ANKRD44: variants seen among roughly 807,000 people sequenced by gnomAD.
ANKRD44 encodes serine/threonine-protein phosphatase 6 regulatory ankyrin repeat subunit B.
ANKRD44 carries 35 observed loss-of-function variants against 116.0 expected under a neutral mutation model. That is an observed-to-expected ratio of 0.30 (90% CI 0.23 to 0.40). ANKRD44 has a LOEUF of 0.40. Among genes scored for constraint, ANKRD44 ranks in the 10% least tolerant of loss-of-function variants. The pLI, the probability that ANKRD44 is intolerant of heterozygous loss-of-function variation, is 1.00. For missense variants in ANKRD44, 1,014 were observed against 1,242.6 expected (o/e 0.82, Z 2.77); for synonymous variants, 435 against 461.8 (o/e 0.94, Z 0.74).
chr2:197,227,370 G>A (rs1426758562), intron 1 of ANKRD44, among the ~76,000 whole-genome samples: 1 of 152,240 alleles, frequency 6.6e-6, no homozygotes, highest in African/African-American at 2.4e-5. Flanking sequence ...CTGGAAGCAG[G>A]TGAGGCTCCT....
chr2:197,246,622 T>A (rs188252150), intron 1 of ANKRD44, among the ~76,000 whole-genome samples: 1 of 152,112 alleles, frequency 6.6e-6, no homozygotes, highest in African/African-American at 2.4e-5. Context: ...CTATGCAATC[T>A]TTTCCCATTG....
At chr2:197,300,209 T>C (rs1034956640) in intron 1 of ANKRD44, among the ~76,000 whole-genome samples, 3 of 152,228 alleles carry the variant, frequency 2.0e-5, no homozygotes, top group Non-Finnish European at 4.4e-5. Context: ...GAGAAAAATG[T>C]GTTAATATGC....
intron 16 of ANKRD44, among the ~76,000 whole-genome samples, chr2:197,026,690 T>C (rs1044847647): frequency 2.0e-5 from 3 of 152,154 alleles, no homozygotes; most frequent in African/African-American, 7.2e-5. Flanking sequence ...TGGAGTGTTT[T>C]GAGCAGAGGA....
rs1375046414 is a variant in ANKRD44, at chr2:197,246,563, C to T, written c.28-59457G>A. 4.0e-5 allele frequency among the ~76,000 whole-genome samples: 6 copies of T among 151,742 alleles called. No homozygotes were observed. The East Asian group carries it at 1.2e-3, about 29-fold the overall frequency. The stretch of plus-strand genomic sequence containing the variant: ...CAATGGGACCTTGAATTCCCAGGTC[C>T]CTGATGCTGCCAACCATCTCGCTTA... On this transcript the variant is annotated intron_variant, in intron 1 of 27. Transcript: ENST00000282272.
intron 17 of ANKRD44, chr2:197,015,206 G>A (rs2076368807): frequency 6.4e-6 from 2 of 311,136 alleles, no homozygotes; most frequent in Non-Finnish European, 1.2e-5. Flanking sequence ...AGAGGAACCA[G>A]AGAGCTGTTT....
intron 1 of ANKRD44, among the ~76,000 whole-genome samples, chr2:197,215,049 T>C (rs2081414792): frequency 6.6e-6 from 1 of 152,136 alleles, no homozygotes; most frequent in Admixed American, 6.5e-5. Flanking sequence ...CTAGTATTTG[T>C]ATTTTTAGTA....
chr2:197,204,418 A>G (rs1466683013), intron 1 of ANKRD44, among the ~76,000 whole-genome samples: 6 of 152,186 alleles, frequency 3.9e-5, no homozygotes, highest in South Asian at 2.1e-4. Context: ...TTCTTTAAAG[A>G]TGGGACCACT....
rs867880587 is a variant in ANKRD44, at chr2:197,172,783, T to C, written c.111+14240A>G. 1.4e-4 allele frequency among the ~76,000 whole-genome samples: 21 copies of C among 151,872 alleles called. 1 individual carries two copies. The highest frequency in any genetic ancestry group is 6.8e-3 in the Middle Eastern group (2 of 294). The stretch of plus-strand genomic sequence containing the variant: ...GTTTCACCATGTTGCTTAGGCTGGT[T>C]TCACACTCCTCAGCTCAAGTGATCC... On this transcript the variant is annotated intron_variant, in intron 2 of 27. Coordinates refer to ENST00000282272, the MANE Select transcript of ANKRD44 (RefSeq NM_001195144.2).
At chr2:197,222,399 T>C (rs143888127) in intron 1 of ANKRD44, among the ~76,000 whole-genome samples, 1 of 152,262 alleles carries the variant, frequency 6.6e-6, no homozygotes, top group Admixed American at 6.5e-5. Context: ...GATCAAAAAC[T>C]TCAAAGAAGA....
intron 1 of ANKRD44, among the ~76,000 whole-genome samples, chr2:197,214,487 A>G (rs1881404): frequency 0.4 from 61,445 of 152,090 alleles, 13,905 homozygotes; most frequent in African/African-American, 0.62. Context: ...TTAAGTAAAT[A>G]TGTACATACA....
intron 16 of ANKRD44, among the ~76,000 whole-genome samples, chr2:197,070,219 G>GTACACTT (rs895927927): frequency 2.6e-5 from 4 of 152,014 alleles, no homozygotes; most frequent in Non-Finnish European, 5.9e-5. Context: ...TTTCTGATCT[G>GTACACTT]TACACTTTTT....
intron 2 of ANKRD44, among the ~76,000 whole-genome samples, chr2:197,166,361 C>A (rs2080101259): frequency 6.6e-6 from 1 of 152,136 alleles, no homozygotes; most frequent in African/African-American, 2.4e-5. Context: ...CTGTTATGGG[C>A]AGCTTTTGAG....
chr2:197,053,297 T>A (rs1222044556), intron 16 of ANKRD44, among the ~76,000 whole-genome samples: 1 of 152,192 alleles, frequency 6.6e-6, no homozygotes, highest in Non-Finnish European at 1.5e-5. Flanking sequence ...AAACAGTAGT[T>A]ATGTCTGGAT....
At chr2:197,143,992 G>A (rs1240041781) in intron 3 of ANKRD44, among the ~76,000 whole-genome samples, 1 of 152,096 alleles carries the variant, frequency 6.6e-6, no homozygotes, top group Non-Finnish European at 1.5e-5. Flanking sequence ...CTCAACCCCA[G>A]TATCTTAACT....
intron 15 of ANKRD44, among the ~76,000 whole-genome samples, chr2:197,080,697 A>G (rs774164948): frequency 6.6e-6 from 1 of 152,180 alleles, no homozygotes; most frequent in African/African-American, 2.4e-5. Context: ...CACAACCTGC[A>G]TTGGAGCCAC....
Position 197,305,568 on chromosome 2 carries a change from G to C in ANKRD44, c.27+5010C>G, listed in dbSNP as rs544024734. On this transcript the variant is annotated intron_variant, in intron 1 of 27. Coordinates refer to ENST00000282272, the MANE Select transcript of ANKRD44 (RefSeq NM_001195144.2). Reference sequence around the variant, plus strand: ...CTTTTTGAGTTCGTATTTGCTCTCTGTTTACAGCAAAAGAGGAAGTAAAAA... The same window carrying C: ...CTTTTTGAGTTCGTATTTGCTCTCTCTTTACAGCAAAAGAGGAAGTAAAAA... Among the ~76,000 whole-genome samples, 12 of 152,050 alleles carry C rather than the reference G, an allele frequency of 7.9e-5. No individual in the cohort carries two copies. In the South Asian group the frequency reaches 2.3e-3, roughly 29 times the overall value.
chr2:197,143,739 C>A (rs576253874), intron 3 of ANKRD44, among the ~76,000 whole-genome samples: 4 of 152,112 alleles, frequency 2.6e-5, no homozygotes, highest in Non-Finnish European at 5.9e-5. Flanking sequence ...AAGTGATTCT[C>A]CTGCCTCAGC....
chr2:197,278,460 A>T (rs567539176), intron 1 of ANKRD44, among the ~76,000 whole-genome samples: 1 of 151,102 alleles, frequency 6.6e-6, no homozygotes, highest in African/African-American at 2.5e-5. Context: ...GGGTTCAAGC[A>T]ATTCTCCTGC....
Position 197,026,058 on chromosome 2 carries a change from A to AAAAAC in ANKRD44, c.1651-792_1651-791insGTTTT, listed in dbSNP as rs201556593. On this transcript the variant is annotated intron_variant, in intron 16 of 27. Transcript: ENST00000282272. The stretch of plus-strand genomic sequence containing the variant: ...GAGATAAAAAGAAACAAAAAAAAAA[A>AAAAAC]AAACACCTTTCTGGGCAATTTGTGC... Among the ~76,000 whole-genome samples, 710 of 151,928 alleles carry AAAAAC rather than the reference A, an allele frequency of 4.7e-3. 9 individuals are homozygous for AAAAAC. The highest frequency in any genetic ancestry group is 0.01 in the Middle Eastern group (3 of 292).
Sources: gnomAD v4.1 joint callset for allele counts (sites outside exome capture counted in the v4.1 genomes callset) on GRCh38, gnomAD v4.1.1 for gene constraint, MANE v1.5 for transcripts, NCBI Gene and HGNC (gene_info 2026-07-23, HGNC 2026-07-21) for gene names.